Variants in PPFIBP2 observed in about 807,000 individuals in gnomAD.
The protein encoded by PPFIBP2 is PPFIB scaffold protein 2.
Under a neutral mutation model 118.3 loss-of-function variants are expected in PPFIBP2, and 118 were observed. The observed-to-expected ratio is 1.00, with a 90% CI of 0.86 to 1.16. PPFIBP2 has a LOEUF of 1.16. Among genes scored for constraint, PPFIBP2 ranks in the 50% most tolerant of loss-of-function variants. The pLI, the probability that PPFIBP2 is intolerant of heterozygous loss-of-function variation, is 0.00. For missense variants in PPFIBP2, 1,195 were observed against 1,073.1 expected, an observed-to-expected ratio of 1.11 and a Z score of -1.59; for synonymous variants, 414 against 397.4, an observed-to-expected ratio of 1.04 and a Z score of -0.50.
intron 7 of PPFIBP2, among the ~76,000 whole-genome samples, chr11:7,621,990 T>G (rs1487026342): frequency 6.6e-6 from 1 of 152,228 alleles, no homozygotes; most frequent in Non-Finnish European, 1.5e-5. Flanking sequence ...TTGCTAATAT[T>G]TCCTTCCGTG....
intron 9 of PPFIBP2, among the ~76,000 whole-genome samples, chr11:7,628,994 G>T: frequency 6.6e-6 from 1 of 152,150 alleles, no homozygotes; most frequent in East Asian, 1.9e-4. Flanking sequence ...TCCTTTCAAG[G>T]CCTTTGCCTT....
At chr11:7,597,514 A>G (rs1306037761) in intron 4 of PPFIBP2, 46 bp from the exon 5 acceptor site, 5 of 1,576,206 alleles carry the variant, frequency 3.2e-6, no homozygotes, top group Non-Finnish European at 1.7e-6. Context: ...TTCCTGCACC[A>G]TGTCAAATCC....
Position 7,602,087 on chromosome 11 carries a change from CAAAAAAA to C in PPFIBP2, c.486+4432_486+4438del, listed in dbSNP as rs201003988. Among the ~76,000 whole-genome samples the C allele has an allele frequency of 3.6e-3, 202 of 56,208 alleles. 2 individuals are homozygous for C. Among genetic ancestry groups the C allele is most frequent in the African/African-American group, 0.013 (194 of 15,334 alleles). 36.9% of individuals were successfully genotyped at this position (56,208 alleles called of 152,430 possible). On this transcript the variant is annotated intron_variant, in intron 5 of 23. Coordinates refer to ENST00000299492, the MANE Select transcript of PPFIBP2 (RefSeq NM_003621.5). ...CAGCCTGGGCAACAAGAATGAAACT[CAAAAAAA>C]AAAAAAAAAAAAAAAAAGAAGAGTC... is the stretch of plus-strand genomic sequence containing the variant.
At chr11:7,531,018 C>T (rs75751994) in intron 1 of PPFIBP2, among the ~76,000 whole-genome samples, 1,829 of 152,186 alleles carry the variant, frequency 0.012, 32 homozygotes, top group African/African-American at 0.04. Context: ...ATCATTAGAC[C>T]TTCCCACTCC....
chr11:7,664,285 A>G, the PPFIBP2 span, among the ~76,000 whole-genome samples: 1 of 152,144 alleles, frequency 6.6e-6, no homozygotes, highest in African/African-American at 2.4e-5. Context: ...TATGCCGGAG[A>G]GGAAGGGCAT....
At chr11:7,572,904 C>G (rs1306847982) in intron 3 of PPFIBP2, among the ~76,000 whole-genome samples, 1 of 152,146 alleles carries the variant, frequency 6.6e-6, no homozygotes, top group Non-Finnish European at 1.5e-5. Context: ...CCCAGCCTCC[C>G]GATTAGCTGG....
chr11:7,557,197 A>T (rs1853731448), intron 2 of PPFIBP2, among the ~76,000 whole-genome samples: 1 of 150,940 alleles, frequency 6.6e-6, no homozygotes, highest in Non-Finnish European at 1.5e-5. Context: ...TCTGCTATTT[A>T]ACCTGTTCAC....
chr11:7,530,537 C>T (rs1009605077), intron 1 of PPFIBP2, among the ~76,000 whole-genome samples: 6 of 152,206 alleles, frequency 3.9e-5, no homozygotes, highest in African/African-American at 1.2e-4. Flanking sequence ...GTTTCTTCCA[C>T]CATGTGAGGA....
chr11:7,590,274 A>C (rs1859000552), intron 3 of PPFIBP2, among the ~76,000 whole-genome samples: 1 of 152,252 alleles, frequency 6.6e-6, no homozygotes, highest in Non-Finnish European at 1.5e-5. Flanking sequence ...TCATGAAAAC[A>C]CATGGCTCTG....
intron 11 of PPFIBP2, 70 bp from the exon 12 acceptor site, chr11:7,632,797 C>A: frequency 8.1e-7 from 1 of 1,230,502 alleles, no homozygotes; most frequent in Non-Finnish European, 1.2e-6. Context: ...TCATGTGAAG[C>A]AGGGGGAAAG....
chr11:7,642,274 C>T (rs371162414), intron 16 of PPFIBP2, 24 bp from the exon 17 acceptor site: 6 of 1,612,722 alleles, frequency 3.7e-6, no homozygotes, highest in Non-Finnish European at 5.1e-6. Flanking sequence ...CCATGACCGT[C>T]TCCATGGATT....
chr11:7,591,109 CTTT>C (rs143577367), intron 3 of PPFIBP2, among the ~76,000 whole-genome samples: 7 of 151,776 alleles, frequency 4.6e-5, no homozygotes, highest in African/African-American at 1.7e-4. Flanking sequence ...CTTTCTTACT[CTTT>C]TTTTTGTCAA....
intron 1 of PPFIBP2, among the ~76,000 whole-genome samples, chr11:7,519,366 T>C (rs1322492217): frequency 6.6e-6 from 1 of 152,042 alleles, no homozygotes; most frequent in Non-Finnish European, 1.5e-5. Context: ...AGAGGTCGGG[T>C]TGTGATCTGA....
At chr11:7,586,197 C>A (rs1320958239) in intron 3 of PPFIBP2, among the ~76,000 whole-genome samples, 12 of 151,960 alleles carry the variant, frequency 7.9e-5, no homozygotes, top group Non-Finnish European at 1.8e-4. Context: ...GGTTATTGTT[C>A]CCTTGGGTTG....
intron 3 of PPFIBP2, among the ~76,000 whole-genome samples, chr11:7,573,035 C>T (rs1855827550): frequency 6.6e-6 from 1 of 152,202 alleles, no homozygotes; most frequent in African/African-American, 2.4e-5. Flanking sequence ...CCACCTCAGC[C>T]TCCGAAAGTG....
At chr11:7,658,033 C>A (rs1390602138), downstream of PPFIBP2, among the ~76,000 whole-genome samples, 1 of 152,246 alleles carries the variant, frequency 6.6e-6, no homozygotes, top group East Asian at 1.9e-4. Flanking sequence ...ATGCCAAGGT[C>A]CCTGCCTAAA....
chr11:7,649,099 C>A (rs756151444), intron 19 of PPFIBP2, 48 bp from the exon 20 acceptor site: 1 of 1,557,658 alleles, frequency 6.4e-7, no homozygotes, highest in South Asian at 1.1e-5. Flanking sequence ...TGTCTACATT[C>A]TCTCATTCTC....
chr11:7,630,598 C>T (rs1475433160), intron 10 of PPFIBP2, among the ~76,000 whole-genome samples: 2 of 152,228 alleles, frequency 1.3e-5, no homozygotes, highest in African/African-American at 4.8e-5. Flanking sequence ...AGGCGTGAGC[C>T]AAAGCACCTG....
At chr11:7,609,034 G>C (rs752597910) in intron 5 of PPFIBP2, among the ~76,000 whole-genome samples, 2 of 152,186 alleles carry the variant, frequency 1.3e-5, no homozygotes, top group African/African-American at 2.4e-5. Flanking sequence ...TGGGCTTCAA[G>C]AGAGATACCC....
Sources: gnomAD v4.1 joint callset for allele counts (sites outside exome capture counted in the v4.1 genomes callset) on GRCh38, gnomAD v4.1.1 for gene constraint, MANE v1.5 for transcripts, NCBI Gene and HGNC (gene_info 2026-07-23, HGNC 2026-07-21) for gene names.